Variants in MBOAT1 observed in about 807,000 individuals in gnomAD.
The protein encoded by MBOAT1 is membrane-bound glycerophospholipid O-acyltransferase 1.
MBOAT1 carries 67 observed loss-of-function variants against 64.4 expected under a neutral mutation model. The observed-to-expected ratio is 1.04, with a 90% CI of 0.85 to 1.27. The LOEUF (loss-of-function observed/expected upper bound fraction) is 1.27, where lower values mean the gene tolerates loss of function less well. Among genes scored for constraint, MBOAT1 ranks in the 50% most tolerant of loss-of-function variants. The pLI, the probability that MBOAT1 is intolerant of heterozygous loss-of-function variation, is 0.00. For missense variants in MBOAT1, 563 were observed against 604.6 expected (o/e 0.93, Z 0.72); for synonymous variants, 229 against 218.9 (o/e 1.05, Z -0.41).
chr6:20,156,506 C>T (rs1206152990), intron 1 of MBOAT1, among the ~76,000 whole-genome samples: 3 of 152,136 alleles, frequency 2.0e-5, no homozygotes, highest in Admixed American at 1.3e-4. Flanking sequence ...ACAACACCAC[C>T]ACGTAGTTCT....
chr6:20,157,019 A>G (rs1433515817), intron 1 of MBOAT1, among the ~76,000 whole-genome samples: 2 of 152,188 alleles, frequency 1.3e-5, no homozygotes, highest in African/African-American at 2.4e-5. Context: ...ACAATGACTC[A>G]TGCCTACAAT....
chr6:20,123,724 T>C (rs1168283861), intron 8 of MBOAT1, among the ~76,000 whole-genome samples: 1 of 151,892 alleles, frequency 6.6e-6, no homozygotes, highest in Admixed American at 6.6e-5. Context: ...TAATTCAAGG[T>C]GCATCCTATA....
intron 8 of MBOAT1, among the ~76,000 whole-genome samples, chr6:20,119,998 T>TGTGTATGC (rs1760446820): frequency 1.8e-5 from 1 of 54,324 alleles, no homozygotes; most frequent in African/African-American, 5.7e-5. Flanking sequence ...TCTGTGTGTG[T>TGTGTATGC]GTGTGTGCGT....
At chr6:20,133,396 G>A (rs906630035) in intron 4 of MBOAT1, among the ~76,000 whole-genome samples, 9 of 152,138 alleles carry the variant, frequency 5.9e-5, no homozygotes, top group African/African-American at 2.4e-5. Flanking sequence ...CCAGACTGTA[G>A]CTCACCCTCC....
At chr6:20,192,023 G>GT (rs1212532078) in intron 1 of MBOAT1, among the ~76,000 whole-genome samples, 1 of 152,126 alleles carries the variant, frequency 6.6e-6, no homozygotes, top group Non-Finnish European at 1.5e-5. Flanking sequence ...CTCAGCATCT[G>GT]TTTTAGAAGA....
intron 1 of MBOAT1, among the ~76,000 whole-genome samples, chr6:20,191,376 G>A (rs9368156): frequency 0.5 from 76,668 of 152,114 alleles, 20,136 homozygotes; most frequent in Non-Finnish European, 0.57. Context: ...TATAGCAGCA[G>A]AAAAAGACTA....
chr6:20,167,147 T>C (rs755279372), intron 1 of MBOAT1, among the ~76,000 whole-genome samples: 1 of 152,166 alleles, frequency 6.6e-6, no homozygotes, highest in Non-Finnish European at 1.5e-5. Context: ...GAAACTCCAA[T>C]ACTATGGATG....
At chr6:20,175,541 G>C (rs1473817209) in intron 1 of MBOAT1, among the ~76,000 whole-genome samples, 3 of 152,062 alleles carry the variant, frequency 2.0e-5, no homozygotes, top group African/African-American at 7.2e-5. Context: ...CTGCCTCCTG[G>C]GTTCAAGCGA....
chr6:20,209,978 T>A (rs903825870), intron 1 of MBOAT1, among the ~76,000 whole-genome samples: 2 of 152,218 alleles, frequency 1.3e-5, no homozygotes, highest in Non-Finnish European at 2.9e-5. Context: ...AGCTGCCCCC[T>A]ACTTCTGATC....
At chr6:20,109,469 A>C in intron 12 of MBOAT1, 129 bp downstream of exon 12, 2 of 1,152,696 alleles carry the variant, frequency 1.7e-6, no homozygotes, top group Non-Finnish European at 2.5e-6. Context: ...GCTTCTATGG[A>C]CACTTCCCAC....
chr6:20,153,409 G>A (rs1392443538), intron 1 of MBOAT1, among the ~76,000 whole-genome samples: 4 of 152,120 alleles, frequency 2.6e-5, no homozygotes, highest in Non-Finnish European at 5.9e-5. Flanking sequence ...CCCCCAGCAG[G>A]ACCCTAAGAC....
At chr6:20,102,680 C>T (rs1199468186) in intron 12 of MBOAT1, among the ~76,000 whole-genome samples, 1 of 152,180 alleles carries the variant, frequency 6.6e-6, no homozygotes, top group East Asian at 1.9e-4. Flanking sequence ...ATTGACATAA[C>T]AGGCTAACCA....
chr6:20,126,095 C>T (rs182728593), intron 7 of MBOAT1, among the ~76,000 whole-genome samples: 105 of 152,278 alleles, frequency 6.9e-4, no homozygotes, highest in African/African-American at 2.5e-3. Context: ...AAACTGGTTT[C>T]CCTTGCAATA....
At chr6:20,195,069 T>C (rs1488131825) in intron 1 of MBOAT1, among the ~76,000 whole-genome samples, 1 of 151,934 alleles carries the variant, frequency 6.6e-6, no homozygotes, top group East Asian at 1.9e-4. Flanking sequence ...CCTCCCACCA[T>C]GGCCTCCTGA....
intron 1 of MBOAT1, among the ~76,000 whole-genome samples, chr6:20,201,097 A>G (rs1763109923): frequency 6.6e-6 from 1 of 152,204 alleles, no homozygotes; most frequent in Non-Finnish European, 1.5e-5. Context: ...CCCATATGTA[A>G]GTCCTAATAA....
intron 1 of MBOAT1, among the ~76,000 whole-genome samples, chr6:20,190,415 C>T (rs570608341): frequency 1.3e-5 from 2 of 152,326 alleles, no homozygotes; most frequent in South Asian, 4.1e-4. Flanking sequence ...TCACGGCCAA[C>T]ATAACCTCTG....
Position 20,101,155 on chromosome 6 carries a change from A to C in MBOAT1, c.*1131T>G, listed in dbSNP as rs1201170202. ...TCTATATAACTTCAAATTACTTTAA[A>C]AAAATTTCCTAAAAGGCATTCTGCT... On this transcript the variant is annotated 3_prime_UTR_variant, in exon 13 of 13. Coordinates refer to ENST00000324607, the MANE Select transcript of MBOAT1 (RefSeq NM_001080480.3). 2.0e-5 allele frequency among the ~76,000 whole-genome samples: 3 copies of C among 152,176 alleles called. 1 individual carries two copies. Among genetic ancestry groups the C allele is most frequent in the Non-Finnish European group, 4.4e-5 (3 of 68,030 alleles).
intron 1 of MBOAT1, among the ~76,000 whole-genome samples, chr6:20,169,025 C>G (rs1686036300): frequency 6.6e-6 from 1 of 152,066 alleles, no homozygotes; most frequent in South Asian, 2.1e-4. Flanking sequence ...TCCTAAACAA[C>G]AACAACAAAA....
chr6:20,208,223 G>A (rs866560064), intron 1 of MBOAT1, among the ~76,000 whole-genome samples: 2 of 151,908 alleles, frequency 1.3e-5, no homozygotes, highest in South Asian at 2.1e-4. Context: ...CGAGGCAGGC[G>A]GATCACAAGG....
Sources: allele counts gnomAD v4.1 joint callset (sites outside exome capture counted in the v4.1 genomes callset), GRCh38; gene constraint gnomAD v4.1.1; transcripts MANE v1.5; gene names NCBI Gene and HGNC (gene_info 2026-07-23, HGNC 2026-07-21).